The following CRACDL variants were observed in gnomAD, a reference collection of about 807,000 sequenced individuals.
CRACDL encodes CRACD-like protein.
CRACDL carries 26 observed loss-of-function variants against 70.6 expected under a neutral mutation model. That is an observed-to-expected ratio of 0.37 (90% confidence interval 0.27 to 0.51). CRACDL has a LOEUF of 0.51. Among genes scored for constraint, CRACDL ranks in the 20% least tolerant of loss-of-function variants. The probability of loss-of-function intolerance (pLI) is 0.94; values close to 1 mark genes in which losing one functional copy is unlikely to be tolerated. For missense variants in CRACDL, 1,283 were observed against 1,376.9 expected, an observed-to-expected ratio of 0.93 and a Z score of 1.08; for synonymous variants, 618 against 615.2, an observed-to-expected ratio of 1.00 and a Z score of -0.07.
chr2:98,920,084 C>G (rs774849921), intron 1 of CRACDL, among the ~76,000 whole-genome samples: 1 of 152,142 alleles, frequency 6.6e-6, no homozygotes, highest in Non-Finnish European at 1.5e-5. Flanking sequence ...GTTTTAATAT[C>G]TGGTAAGTTA....
At chr2:98,813,835 G>A (rs541785236) in intron 7 of CRACDL, among the ~76,000 whole-genome samples, 1 of 152,218 alleles carries the variant, frequency 6.6e-6, no homozygotes, top group South Asian at 2.1e-4. Flanking sequence ...GTCAAACCAC[G>A]TGAAAATGGA....
intron 1 of CRACDL, among the ~76,000 whole-genome samples, chr2:98,879,713 T>C (rs1366261158): frequency 6.6e-6 from 1 of 152,188 alleles, no homozygotes; most frequent in Non-Finnish European, 1.5e-5. Flanking sequence ...GCCCAGCTAA[T>C]ATTTTACATT....
chr2:98,828,563 G>A (rs779225750), intron 5 of CRACDL, among the ~76,000 whole-genome samples: 13 of 152,130 alleles, frequency 8.5e-5, no homozygotes, highest in South Asian at 6.2e-4. Context: ...TTGCTAACCC[G>A]GACAGGGAAC....
chr2:98,824,918 T>C (rs1396293334), intron 6 of CRACDL, among the ~76,000 whole-genome samples: 2 of 152,238 alleles, frequency 1.3e-5, no homozygotes, highest in Non-Finnish European at 2.9e-5. Flanking sequence ...GCCATGTTGA[T>C]GGCCTTCTGC....
At chr2:98,928,086 GACACA>G (rs1420367800) in intron 1 of CRACDL, among the ~76,000 whole-genome samples, 1 of 152,122 alleles carries the variant, frequency 6.6e-6, no homozygotes, top group African/African-American at 2.4e-5. Flanking sequence ...TCGAGAGGCT[GACACA>G]GAAGAATCTC....
intron 1 of CRACDL, among the ~76,000 whole-genome samples, chr2:98,914,486 C>A (rs1708621151): frequency 6.6e-6 from 1 of 152,220 alleles, no homozygotes; most frequent in African/African-American, 2.4e-5. Flanking sequence ...GAGTCCTGTC[C>A]CCGCTGAGGT....
At chr2:98,867,060 C>T (rs1041577690) in intron 1 of CRACDL, among the ~76,000 whole-genome samples, 5 of 152,156 alleles carry the variant, frequency 3.3e-5, no homozygotes, top group East Asian at 1.9e-4. Context: ...TCCCCTCAGC[C>T]GTGGGCAGGG....
intron 5 of CRACDL, among the ~76,000 whole-genome samples, chr2:98,831,836 T>C (rs1705555930): frequency 6.6e-6 from 1 of 152,110 alleles, no homozygotes; most frequent in Non-Finnish European, 1.5e-5. Flanking sequence ...GTTCCTCTCT[T>C]GCTTGTCAAC....
At chr2:98,892,588 G>C (rs1708007235) in intron 1 of CRACDL, among the ~76,000 whole-genome samples, 1 of 151,952 alleles carries the variant, frequency 6.6e-6, no homozygotes, top group Non-Finnish European at 1.5e-5. Flanking sequence ...TACTCCGGAG[G>C]CTGAGGCAGG....
Position 98,794,281 on chromosome 2 carries a change from C to T in CRACDL, c.*251G>A, listed in dbSNP as rs749684285. ...GGGAATTCGAAAAGACACATTCGTA[C>T]CTTTGGGCACAGGAACTGGTTCCTG... On this transcript the variant is annotated 3_prime_UTR_variant, in exon 10 of 10. Coordinates refer to ENST00000397899, the MANE Select transcript of CRACDL (RefSeq NM_207362.3). 24 of 383,054 alleles carry T rather than the reference C, an allele frequency of 6.3e-5. No individual in the cohort carries two copies. The highest frequency in any genetic ancestry group is 7.0e-4 in the Middle Eastern group (1 of 1,434). The allele number at this position is 383,054 out of a possible 1,614,324, so 23.7% of individuals were successfully genotyped here. A position where few individuals can be genotyped will look rare whatever the true frequency, so the allele number is the denominator to read the frequency against.
At chr2:98,820,388 C>T (rs1013884546) in intron 7 of CRACDL, among the ~76,000 whole-genome samples, 9 of 151,782 alleles carry the variant, frequency 5.9e-5, no homozygotes, top group African/African-American at 2.2e-4. Flanking sequence ...AAAAATTAGC[C>T]GGGTGTAGTA....
At chr2:98,852,379 G>A (rs1011348074) in intron 1 of CRACDL, among the ~76,000 whole-genome samples, 4 of 152,024 alleles carry the variant, frequency 2.6e-5, no homozygotes, top group Non-Finnish European at 2.9e-5. Flanking sequence ...AATAATCTTC[G>A]GGACAGCATA....
intron 1 of CRACDL, chr2:98,869,073 C>T (rs994065124): frequency 1.5e-6 from 2 of 1,303,172 alleles, no homozygotes; most frequent in African/African-American, 1.5e-5. Context: ...TCTCAGAGGG[C>T]CCACCTGGGG....
intron 3 of CRACDL, among the ~76,000 whole-genome samples, chr2:98,834,687 G>A (rs948005551): frequency 6.6e-6 from 1 of 152,032 alleles, no homozygotes; most frequent in Admixed American, 6.6e-5. Context: ...CTATGCAAAC[G>A]TTTTATATAA....
At chr2:98,907,262 AG>A (rs1708438127) in intron 1 of CRACDL, among the ~76,000 whole-genome samples, 1 of 152,230 alleles carries the variant, frequency 6.6e-6, no homozygotes, top group South Asian at 2.1e-4. Context: ...ATTGCACTGC[AG>A]CCTAGGCGAC....
At chr2:98,899,614 G>A (rs1307112939) in intron 1 of CRACDL, among the ~76,000 whole-genome samples, 3 of 152,236 alleles carry the variant, frequency 2.0e-5, no homozygotes, top group Non-Finnish European at 4.4e-5. Flanking sequence ...TCAGCAGTCA[G>A]AGGGGCCCAG....
chr2:98,855,148 C>T (rs530508810), intron 1 of CRACDL, among the ~76,000 whole-genome samples: 1 of 152,124 alleles, frequency 6.6e-6, no homozygotes, highest in South Asian at 2.1e-4. Flanking sequence ...GGCATGGTGG[C>T]GCATTCCTGT....
At chr2:98,864,445 T>G (rs1707051789) in intron 1 of CRACDL, among the ~76,000 whole-genome samples, 1 of 152,028 alleles carries the variant, frequency 6.6e-6, no homozygotes, top group African/African-American at 2.4e-5. Context: ...TGGGAGTGAC[T>G]GCTAATGGGC....
intron 5 of CRACDL, among the ~76,000 whole-genome samples, chr2:98,827,882 A>G (rs1705375477): frequency 6.6e-6 from 1 of 152,200 alleles, no homozygotes; most frequent in South Asian, 2.1e-4. Flanking sequence ...GTGACTTTAG[A>G]GGCTGGGGCG....
Sources: allele counts gnomAD v4.1 joint callset (sites outside exome capture counted in the v4.1 genomes callset), GRCh38; gene constraint gnomAD v4.1.1; transcripts MANE v1.5; gene names NCBI Gene and HGNC (gene_info 2026-07-23, HGNC 2026-07-21).